Variants in ZFYVE26 observed in about 807,000 individuals in gnomAD.
ZFYVE26 encodes zinc finger FYVE domain-containing protein 26.
Under a neutral mutation model 276.5 loss-of-function variants are expected in ZFYVE26, and 181 were observed. That is an observed-to-expected ratio of 0.65 (90% CI 0.58 to 0.74). The LOEUF is 0.74. ZFYVE26 is among the 30% of genes least tolerant of loss of function. ZFYVE26 has a pLI of 0.00. For synonymous variants in ZFYVE26, 1,129 were observed against 1,203.1 expected, an observed-to-expected ratio of 0.94 and a Z score of 1.27; for missense variants, 2,821 against 3,097.9, an observed-to-expected ratio of 0.91 and a Z score of 2.12.
intron 23 of ZFYVE26, among the ~76,000 whole-genome samples, chr14:67,779,056 A>C (rs2039427216): frequency 1.3e-5 from 2 of 152,346 alleles, no homozygotes; most frequent in South Asian, 2.1e-4. Context: ...TGATTGGCAA[A>C]TAATAGGCAT....
chr14:67,743,219 G>A (rs2038439571), downstream of ZFYVE26, among the ~76,000 whole-genome samples: 1 of 152,110 alleles, frequency 6.6e-6, no homozygotes, highest in South Asian at 2.1e-4. Flanking sequence ...TGGGTGTGGT[G>A]GCTCACACCT....
intron 38 of ZFYVE26, 141 bp downstream of exon 38, chr14:67,753,930 C>G: frequency 6.6e-7 from 1 of 1,516,216 alleles, no homozygotes; most frequent in Non-Finnish European, 9.1e-7. Context: ...TGGACCTGAT[C>G]ACCAGTCTTT....
chr14:67,795,783 C>T (rs2039939853), intron 12 of ZFYVE26, among the ~76,000 whole-genome samples: 1 of 151,962 alleles, frequency 6.6e-6, no homozygotes, highest in Non-Finnish European at 1.5e-5. Flanking sequence ...AATAATAGCA[C>T]ATGATGAGAA....
In ZFYVE26 at chr14:67,804,177, G is replaced by A. The variant is rs750292711; in HGVS notation, c.1359C>T (p.Asn453=). 4.8e-5 allele frequency: 77 copies of A among 1,614,110 alleles called. No homozygotes were observed. The highest frequency in any genetic ancestry group is 1.4e-5 in the Non-Finnish European group (16 of 1,180,044). The change falls in exon 9 of 42, where the codon AAC becomes AAT. Residue 453 remains asparagine (N), a synonymous_variant. Coordinates refer to ENST00000347230, the MANE Select transcript of ZFYVE26 (RefSeq NM_015346.4). The part of the protein sequence containing the change: ...SVLYTLHHLT[N]LPALREEDVL... Reference sequence around the variant, plus strand: ...CATCTTCCTCCCTGAGGGCTGGAAGGTTTGTAAGGTGATGGAGAGTGTAGA... The same window carrying A: ...CATCTTCCTCCCTGAGGGCTGGAAGATTTGTAAGGTGATGGAGAGTGTAGA...
rs2038768891 is a variant in ZFYVE26, at chr14:67,755,982, T to C, written c.6752A>G (p.Tyr2251Cys). The C allele has an allele frequency of 6.2e-7, 1 of 1,614,224 alleles. No individual in the cohort carries two copies. The highest frequency in any genetic ancestry group is 8.5e-7 in the Non-Finnish European group (1 of 1,180,040). Reference protein sequence around the residue: ...ACQHLQKKNYYHILYELQQFM... With the variant: ...ACQHLQKKNYCHILYELQQFM... ...CTGCTGCAGCTCATACAGAATGTGG[T>C]AGTAGTTCTTCTTCTGTAAATGTTG... is the stretch of plus-strand genomic sequence containing the variant. The change falls in exon 36 of 42, where the codon TAC becomes TGC. Residue 2251 changes from tyrosine (Y) to cysteine (C), a missense_variant. Coordinates refer to ENST00000347230, the MANE Select transcript of ZFYVE26 (RefSeq NM_015346.4).
At chr14:67,813,297 G>A (rs901855484) in intron 3 of ZFYVE26, among the ~76,000 whole-genome samples, 4 of 152,164 alleles carry the variant, frequency 2.6e-5, no homozygotes, top group East Asian at 1.9e-4. Flanking sequence ...ATAACTTTAC[G>A]GTGTGTCCTT....
chr14:67,766,516 G>A, intron 31 of ZFYVE26, 69 bp from the exon 32 acceptor site: 1 of 1,462,738 alleles, frequency 6.8e-7, no homozygotes, highest in Non-Finnish European at 9.5e-7. Context: ...AAAGGCAGCT[G>A]GGTGGCAGAA....
intron 26 of ZFYVE26, 34 bp downstream of exon 26, chr14:67,775,826 A>G: frequency 6.2e-7 from 1 of 1,613,880 alleles, no homozygotes; most frequent in Non-Finnish European, 8.5e-7. Flanking sequence ...TTCTTCCTCC[A>G]TGTAGAATCC....
chr14:67,748,683 G>A (rs1344155199), intron 41 of ZFYVE26, 44 bp from the exon 42 acceptor site: 26 of 1,602,514 alleles, frequency 1.6e-5, no homozygotes, highest in Middle Eastern at 3.3e-4. Context: ...ATCCATCACC[G>A]ACAAATCAAG....
intron 10 of ZFYVE26, chr14:67,799,056 T>C: frequency 2.5e-6 from 3 of 1,185,214 alleles, no homozygotes; most frequent in Non-Finnish European, 3.8e-6. Context: ...CAGAGAGCAG[T>C]GTACGATGAG....
At chr14:67,751,236 G>GAGACCCCAT in intron 40 of ZFYVE26, 140 bp from the exon 41 acceptor site, 1 of 866,182 alleles carries the variant, frequency 1.2e-6, no homozygotes, top group Non-Finnish European at 1.9e-6. Flanking sequence ...AAAGACATGG[G>GAGACCCCAT]GTCTCACTAT....
rs1167919458 is a variant in ZFYVE26 at position 67,748,173 on chromosome 14, T to TA, written c.*262dup. ...GAACATGCACACGTGTGTGCACACA[T>TA]ACTCACTCACTCACTCTGAGGTAGA... On this transcript the variant is annotated 3_prime_UTR_variant, in exon 42 of 42. Coordinates refer to ENST00000347230, the MANE Select transcript of ZFYVE26 (RefSeq NM_015346.4). 5.5e-6 allele frequency: 3 copies of TA among 549,544 alleles called. No homozygotes were observed. The highest frequency in any genetic ancestry group is 3.1e-5 in the Admixed American group (1 of 32,270). The allele number at this position is 549,544 out of a possible 1,614,324, so 34.0% of individuals were successfully genotyped here.
chr14:67,815,356 T>A (rs1448272848), intron 2 of ZFYVE26, among the ~76,000 whole-genome samples: 1 of 152,248 alleles, frequency 6.6e-6, no homozygotes, highest in East Asian at 1.9e-4. Flanking sequence ...CCATTATTTT[T>A]GCAGCTTCTT....
In ZFYVE26 at chr14:67,781,569, G is replaced by A. The variant is rs758582837; in HGVS notation, c.4373-40C>T. 28 of 1,589,930 alleles carry A rather than the reference G, an allele frequency of 1.8e-5. No homozygotes were observed. The South Asian group carries it at 2.9e-4, about 16-fold the overall frequency. On this transcript the variant is annotated intron_variant, in intron 21 of 41. Transcript: ENST00000347230. The stretch of plus-strand genomic sequence containing the variant: ...AGATGCTCAGAGGCAGCAAGCGTGG[G>A]ACCAGAAGAGTTCAAGAGTCCAGGT...
intron 13 of ZFYVE26, chr14:67,733,975 C>A: frequency 2.9e-6 from 2 of 679,808 alleles, no homozygotes; most frequent in Non-Finnish European, 5.4e-6. Flanking sequence ...CTGCTCTGAT[C>A]CTCTTGACCC....
In ZFYVE26 at chr14:67,793,649, C is replaced by T. The variant is rs754353432; in HGVS notation, c.2512G>A (p.Ala838Thr). 1 of 1,613,818 alleles carries T rather than the reference C, an allele frequency of 6.2e-7. No individual in the cohort carries two copies. Among genetic ancestry groups the T allele is most frequent in the Non-Finnish European group, 8.5e-7 (1 of 1,179,850 alleles). Reference protein sequence around the residue: ...MMFSPPESLLASCILRGNFAE... With the variant: ...MMFSPPESLLTSCILRGNFAE... The stretch of plus-strand genomic sequence containing the variant: ...AAGTTCCCGCGAAGGATGCAGGATG[C>T]CAGCAGTGACTCAGGTGGGGAGAAC... Residue 838 changes from alanine (A) to threonine (T), a missense_variant, in exon 14 of 42, where the codon GCA becomes ACA. Coordinates refer to ENST00000347230, the MANE Select transcript of ZFYVE26 (RefSeq NM_015346.4).
chr14:67,785,988 C>G lies in ZFYVE26; in HGVS notation c.3174G>C (p.Arg1058=), dbSNP rs2039644795. 6.2e-7 allele frequency: 1 copy of G among 1,614,054 alleles called. No homozygotes were observed. The highest frequency in any genetic ancestry group is 1.1e-5 in the South Asian group (1 of 91,086). Residue 1058 remains arginine, a synonymous_variant, in exon 18 of 42, where the codon CGG becomes CGC. Coordinates refer to ENST00000347230, the MANE Select transcript of ZFYVE26 (RefSeq NM_015346.4). ...TCTGAAGCAGTTCAGTGATGCTGCACCGTGGAGGGCCTCCTCCCTTTTCTT... is the reference window on the plus strand; with the variant it reads ...TCTGAAGCAGTTCAGTGATGCTGCAGCGTGGAGGGCCTCCTCCCTTTTCTT... The part of the protein sequence containing the change: ...SVEEKGGGPP[R]CSITELLQMC...
At chr14:67,773,118 G>C (rs1156536752) in intron 27 of ZFYVE26, among the ~76,000 whole-genome samples, 1 of 151,956 alleles carries the variant, frequency 6.6e-6, no homozygotes, top group Admixed American at 6.5e-5. Flanking sequence ...AGAATAATAA[G>C]GAATTATTAT....
At chr14:67,784,000 G>A (rs563536378) in intron 20 of ZFYVE26, among the ~76,000 whole-genome samples, 39 of 152,344 alleles carry the variant, frequency 2.6e-4, no homozygotes, top group Non-Finnish European at 4.9e-4. Context: ...GACAGAGGCT[G>A]TACAAATTTA....
Sources: allele counts gnomAD v4.1 joint callset (sites outside exome capture counted in the v4.1 genomes callset), GRCh38; gene constraint gnomAD v4.1.1; transcripts MANE v1.5; gene names NCBI Gene and HGNC (gene_info 2026-07-23, HGNC 2026-07-21).